Variants in ZNF302 observed in about 807,000 individuals in gnomAD.
The protein encoded by ZNF302 is zinc finger protein 327.
In ZNF302, 12 loss-of-function variants were observed where a neutral mutation model predicts 10.8. The ratio of observed to expected loss-of-function variants is 1.11; its 90% confidence interval spans 0.71 to 1.79. The LOEUF is 1.79. Among genes scored for constraint, ZNF302 ranks in the 40% most tolerant of loss-of-function variants. The pLI, the probability that ZNF302 is intolerant of heterozygous loss-of-function variation, is 0.00. For missense variants in ZNF302, 461 were observed against 471.1 expected, an observed-to-expected ratio of 0.98 and a Z score of 0.20; for synonymous variants, 178 against 157.5, an observed-to-expected ratio of 1.13 and a Z score of -0.98.
rs1314257325 is a variant in ZNF302 at position 34,683,159 on chromosome 19, T to C, written c.135T>C (p.Leu45=). The change falls in exon 4 of 5, where the codon CTT becomes CTC. Residue 45 remains leucine (L), a synonymous_variant. Transcript: ENST00000505242. ...CTATATTTTTCCTGTAAGCAGGTCT[T>C]TCCGTAACTAAGCCATATGTGATCA... The part of the protein sequence containing the change: ...QNYENLVSVG[L]SVTKPYVIML... The C allele has an allele frequency of 6.2e-7, 1 of 1,614,110 alleles. No individual in the cohort carries two copies. Among genetic ancestry groups the C allele is most frequent in the Non-Finnish European group, 8.5e-7 (1 of 1,179,956 alleles).
At chr19:34,682,941 T>G in intron 3 of ZNF302, 44 bp downstream of exon 3, 9 of 1,602,652 alleles carry the variant, frequency 5.6e-6, no homozygotes, top group Non-Finnish European at 7.7e-6. Flanking sequence ...ACACCTTTCT[T>G]TTGCCACCCT....
Position 34,678,833 on chromosome 19 carries a change from A to G in ZNF302, c.9+20A>G, listed in dbSNP as rs774978420. On this transcript the variant is annotated intron_variant, in intron 2 of 4. Coordinates refer to ENST00000505242, the MANE Select transcript of ZNF302 (RefSeq NM_001289187.2). ...TCTCAGGTAAGTCGGTGTGTCCCCA[A>G]ATCTTCCTGAAACACTTTATTAGGC... 2.9e-5 allele frequency: 47 copies of G among 1,613,600 alleles called. No homozygotes were observed. The highest frequency in any genetic ancestry group is 1.5e-4 in the African/African-American group (11 of 74,882).
Position 34,684,945 on chromosome 19 carries a change from A to T in ZNF302, c.908A>T (p.His303Leu), listed in dbSNP as rs368892858. ...AGTCGTGTGTCCCTTCTCATTCAGC[A>T]TCTAAGAATTCATACGCAAGAAAAA... Reference protein sequence around the residue: ...SFSRVSLLIQHLRIHTQEKRY... With the variant: ...SFSRVSLLIQLLRIHTQEKRY... The change falls in exon 5 of 5, where the codon CAT becomes CTT. Residue 303 changes from histidine (H) to leucine (L), a missense_variant. Physicochemically the swap from His to Leu is moderately conservative, Grantham distance 99 (BLOSUM62 -3). Transcript: ENST00000505242. 6.2e-7 allele frequency: 1 copy of T among 1,614,038 alleles called. No homozygotes were observed. Among genetic ancestry groups the T allele is most frequent in the South Asian group, 1.1e-5 (1 of 91,082 alleles).
At chr19:34,679,580 C>G (rs1239231806) in intron 2 of ZNF302, among the ~76,000 whole-genome samples, 2 of 152,194 alleles carry the variant, frequency 1.3e-5, no homozygotes, top group African/African-American at 2.4e-5. Context: ...CCCCCACATA[C>G]GCACAAGCTT....
chr19:34,685,051 G>C lies in ZNF302; in HGVS notation c.1014G>C (p.Glu338Asp). The change falls in exon 5 of 5, where the codon GAG becomes GAC. Residue 338 changes from glutamate (E) to aspartate (D), a missense_variant. By Grantham distance (45) the Glu-to-Asp change is conservative. Coordinates refer to ENST00000505242, the MANE Select transcript of ZNF302 (RefSeq NM_001289187.2). ...ACCATCAGAAAAGCCATACTGGAGA[G>C]AAGCCTTATGAATGTAGAGAATGTG... ...LIHHQKSHTGEKPYECRECGK... is the reference protein window; with the variant it reads ...LIHHQKSHTGDKPYECRECGK... 1 of 1,613,126 alleles carries C rather than the reference G, an allele frequency of 6.2e-7. No homozygotes were observed. Among genetic ancestry groups the C allele is most frequent in the African/African-American group, 1.3e-5 (1 of 74,986 alleles).
chr19:34,684,886 A>G lies in ZNF302; in HGVS notation c.849A>G (p.Lys283=), dbSNP rs373804359. Residue 283 remains lysine (K), a synonymous_variant, in exon 5 of 5, where the codon AAA becomes AAG. Coordinates refer to ENST00000505242, the MANE Select transcript of ZNF302 (RefSeq NM_001289187.2). ...TNHQSTHTGE[K]PYECMNCGKS... is the part of the protein sequence containing the mutation. ...ATCAGAGCACTCACACGGGAGAGAA[A>G]CCGTATGAATGTATGAACTGTGGAA... 1 of 1,613,430 alleles carries G rather than the reference A, an allele frequency of 6.2e-7. No individual in the cohort carries two copies. Among genetic ancestry groups the G allele is most frequent in the Non-Finnish European group, 8.5e-7 (1 of 1,179,490 alleles).
At position 34,684,171 on chromosome 19, in the gene ZNF302, TAAAAAAAAAAAAAAAAAAAAAAAAAAAAA is replaced by T. The variant is rs746866893; in HGVS notation, c.215-60_215-32del. 1.1e-3 allele frequency: 976 copies of T among 878,010 alleles called. 1 individual carries two copies. Among genetic ancestry groups the T allele is most frequent in the Middle Eastern group, 1.5e-3 (3 of 1,996 alleles). The allele number at this position is 878,010 out of a possible 1,614,324, so 54.4% of individuals were successfully genotyped here. A position where few individuals can be genotyped will look rare whatever the true frequency, so the allele number is the denominator to read the frequency against. Reference sequence around the variant, plus strand: ...CACTGTAGAAGCTTTTTTCAAGAAGTAAAAAAAAAAAAAAAAAAAAAAAAAAAAAAAAAAAAAAAAAAAAAAAAAGGCAG... The same window carrying T: ...CACTGTAGAAGCTTTTTTCAAGAAGTAAAAAAAAAAAAAAAAAAAAGGCAG... On this transcript the variant is annotated intron_variant, in intron 4 of 4. Coordinates refer to ENST00000505242, the MANE Select transcript of ZNF302 (RefSeq NM_001289187.2).
chr19:34,683,661 A>T (rs548659593), intron 4 of ZNF302, among the ~76,000 whole-genome samples: 1 of 152,336 alleles, frequency 6.6e-6, no homozygotes, highest in East Asian at 1.9e-4. Flanking sequence ...AAATGTTTCT[A>T]GGAATAATAT....
At position 34,683,177 on chromosome 19, in the gene ZNF302, T is replaced by G; in HGVS notation, c.153T>G (p.Tyr51Ter). Residue 51 changes from tyrosine (Y) to a stop codon, truncating the protein, a stop_gained, in exon 4 of 5, where the codon TAT becomes TAG. Coordinates refer to ENST00000505242, the MANE Select transcript of ZNF302 (RefSeq NM_001289187.2). LOFTEE classifies it high-confidence loss of function. ...VSVGLSVTKP[Y>*]VIMLLEDGKE... ...CAGGTCTTTCCGTAACTAAGCCATATGTGATCATGTTATTGGAGGATGGAA... is the reference window on the plus strand; with the variant it reads ...CAGGTCTTTCCGTAACTAAGCCATAGGTGATCATGTTATTGGAGGATGGAA... The G allele has an allele frequency of 6.2e-7, 1 of 1,614,122 alleles. No homozygotes were observed. The highest frequency in any genetic ancestry group is 8.5e-7 in the Non-Finnish European group (1 of 1,179,972).
In ZNF302 at chr19:34,682,884, C is replaced by A. The variant is rs375786730; in HGVS notation, c.117C>A (p.Asn39Lys). 28 of 1,613,596 alleles carry A rather than the reference C, an allele frequency of 1.7e-5. No homozygotes were observed. The African/African-American group carries it at 3.5e-4, about 20-fold the overall frequency. Reference protein sequence around the residue: ...YKDVMVQNYENLVSVGLSVTK... With the variant: ...YKDVMVQNYEKLVSVGLSVTK... ...ATGTGATGGTCCAGAATTATGAGAA[C>A]CTGGTCTCTGTAGGTAAGGATATCA... The change falls in exon 3 of 5, where the codon AAC becomes AAA. Residue 39 changes from asparagine to lysine, a missense_variant. Transcript: ENST00000505242.
chr19:34,685,625 TACAGAA>T lies in ZNF302; in HGVS notation c.*389_*394del. The T allele has an allele frequency of 9.6e-7, 1 of 1,036,708 alleles. No individual in the cohort carries two copies. The allele number at this position is 1,036,708 out of a possible 1,614,324, so 64.2% of individuals were successfully genotyped here. A position where few individuals can be genotyped will look rare whatever the true frequency, so the allele number is the denominator to read the frequency against. ...GAATCCCTATACATGTGAGAAATCTTACAGAAGAGAAGCAGTGTTTATCACGGTAAA... is the reference window on the plus strand; with the variant it reads ...GAATCCCTATACATGTGAGAAATCTTGAGAAGCAGTGTTTATCACGGTAAA... On this transcript the variant is annotated 3_prime_UTR_variant, in exon 5 of 5. Coordinates refer to ENST00000505242, the MANE Select transcript of ZNF302 (RefSeq NM_001289187.2).
intron 1 of ZNF302, among the ~76,000 whole-genome samples, chr19:34,678,481 AGTG>A (rs1200883238): frequency 2.0e-5 from 3 of 152,202 alleles, no homozygotes; most frequent in South Asian, 4.1e-4. Context: ...CACCTTGCAA[AGTG>A]GTGAAGACTG....
In ZNF302 at chr19:34,685,198, T is replaced by A. The variant is rs770655281; in HGVS notation, c.1161T>A (p.His387Gln). ...VFSSFSFLVQ[H>Q]QSIHTEEKPF... ...GTAGCTTCTCATTTCTTGTTCAACATCAGAGTATTCATACTGAAGAAAAAC... is the reference window on the plus strand; with the variant it reads ...GTAGCTTCTCATTTCTTGTTCAACAACAGAGTATTCATACTGAAGAAAAAC... Residue 387 changes from histidine (H) to glutamine (Q), a missense_variant, in exon 5 of 5, where the codon CAT becomes CAA. By Grantham distance (24) the His-to-Gln change is conservative (BLOSUM62 0). Transcript: ENST00000505242. 6.2e-7 allele frequency: 1 copy of A among 1,608,658 alleles called. No individual in the cohort carries two copies. The highest frequency in any genetic ancestry group is 1.7e-5 in the Admixed American group (1 of 59,124).
At chr19:34,682,575 TA>T in intron 2 of ZNF302, 1 of 566,488 alleles carries the variant, frequency 1.8e-6, no homozygotes. Context: ...ATAAAAATTC[TA>T]AGCACATAAC....
At chr19:34,683,699 C>T (rs2068478834) in intron 4 of ZNF302, among the ~76,000 whole-genome samples, 1 of 152,090 alleles carries the variant, frequency 6.6e-6, no homozygotes, top group African/African-American at 2.4e-5. Context: ...AAATATGATT[C>T]ACACAGTTTC....
rs1368073542 is a variant in ZNF302, at chr19:34,685,654, A to T, written c.*417A>T. On this transcript the variant is annotated 3_prime_UTR_variant, in exon 5 of 5. Coordinates refer to ENST00000505242, the MANE Select transcript of ZNF302 (RefSeq NM_001289187.2). ...GAAGAGAAGCAGTGTTTATCACGGT[A>T]AACTTCATTCATAGATCCTCCCTTA... is the stretch of plus-strand genomic sequence containing the variant. The T allele has an allele frequency of 2.4e-6, 2 of 829,004 alleles. No homozygotes were observed. The highest frequency in any genetic ancestry group is 2.4e-5 in the East Asian group (1 of 40,984). 51.4% of individuals were successfully genotyped at this position (829,004 alleles called of 1,614,324 possible).
At position 34,683,279 on chromosome 19, in the gene ZNF302, G is replaced by T. The variant is rs763570100; in HGVS notation, c.214+41G>T. On this transcript the variant is annotated intron_variant, in intron 4 of 4. Coordinates refer to ENST00000505242, the MANE Select transcript of ZNF302 (RefSeq NM_001289187.2). ...AGTCATGGTGAACGAGACAAAGGAA[G>T]ATTTTGTTAAAGATGTTTATAGTGA... 1.4e-5 allele frequency: 23 copies of T among 1,611,902 alleles called. 1 individual carries two copies. The highest frequency in any genetic ancestry group is 5.0e-5 in the Admixed American group (3 of 59,936).
Position 34,684,564 on chromosome 19 carries a change from C to A in ZNF302, c.527C>A (p.Ser176Tyr). The stretch of plus-strand genomic sequence containing the variant: ...AATGGTGGAAAGAAACTTTTAAATT[C>A]TAATAAAAGTGGGGCAGCCTTCAAC... ...RINGGKKLLN[S>Y]NKSGAAFNQS... Residue 176 changes from serine to tyrosine, a missense_variant, in exon 5 of 5, where the codon TCT (serine) becomes TAT (tyrosine). Coordinates refer to ENST00000505242, the MANE Select transcript of ZNF302 (RefSeq NM_001289187.2). 1.9e-6 allele frequency: 3 copies of A among 1,613,780 alleles called. No homozygotes were observed. The South Asian group carries it at 3.3e-5, about 18-fold the overall frequency.
upstream of ZNF302, chr19:34,676,905 G>C (rs1409763666): frequency 6.6e-6 from 1 of 152,198 alleles, no homozygotes; most frequent in Non-Finnish European, 1.5e-5. Context: ...CACTTCTGGG[G>C]AGAGGGGGCG....
Sources: allele counts gnomAD v4.1 joint callset (sites outside exome capture counted in the v4.1 genomes callset), GRCh38; gene constraint gnomAD v4.1.1; transcripts MANE v1.5; gene names NCBI Gene and HGNC (gene_info 2026-07-23, HGNC 2026-07-21).